GRID2: variants seen among roughly 807,000 people sequenced by gnomAD.
GRID2 encodes glutamate receptor ionotropic, delta-2.
Under a neutral mutation model 114.8 loss-of-function variants are expected in GRID2, and 33 were observed. That is an observed-to-expected ratio of 0.29 (90% CI 0.22 to 0.38). The LOEUF (loss-of-function observed/expected upper bound fraction) is 0.38, where lower values mean the gene tolerates loss of function less well. Ranked by LOEUF, GRID2 falls within the 10% of genes least tolerant of loss-of-function variation. The pLI is 1.00. For missense variants in GRID2, 1,184 were observed against 1,257.7 expected, an observed-to-expected ratio of 0.94 and a Z score of 0.89; for synonymous variants, 505 against 449.9, an observed-to-expected ratio of 1.12 and a Z score of -1.55.
rs574828943 is a variant in GRID2, at chr4:93,494,700, G to A, written c.1997+3923G>A. 2.0e-5 allele frequency among the ~76,000 whole-genome samples: 3 copies of A among 151,502 alleles called. No homozygotes were observed. In the East Asian group the frequency reaches 5.9e-4, roughly 30 times the overall value. ...GTATGACACAGTTCAGTTCTTAAAG[G>A]GAAAAAAAATGCCATTTCCACAAGA... is the stretch of plus-strand genomic sequence containing the variant. On this transcript the variant is annotated intron_variant, in intron 12 of 15. Transcript: ENST00000282020.
chr4:93,010,108 T>C (rs1721974775), intron 2 of GRID2, among the ~76,000 whole-genome samples: 1 of 152,060 alleles, frequency 6.6e-6, no homozygotes, highest in Non-Finnish European at 1.5e-5. Flanking sequence ...CCACTTTTGA[T>C]ATGCGTAGTA....
chr4:93,676,691 T>G (rs1724888946), intron 14 of GRID2, among the ~76,000 whole-genome samples: 1 of 150,196 alleles, frequency 6.7e-6, no homozygotes, highest in Non-Finnish European at 1.5e-5. Context: ...ATGAGAACAT[T>G]GTGCACATAT....
chr4:93,076,355 T>C (rs905301648), intron 2 of GRID2, among the ~76,000 whole-genome samples: 1 of 152,182 alleles, frequency 6.6e-6, no homozygotes, highest in African/African-American at 2.4e-5. Flanking sequence ...CTGCATGCCA[T>C]GCTAAGAGTT....
chr4:93,089,734 T>G (rs1470567380), intron 3 of GRID2, among the ~76,000 whole-genome samples: 1 of 152,160 alleles, frequency 6.6e-6, no homozygotes, highest in East Asian at 1.9e-4. Context: ...GTTGGGAATT[T>G]TATCCTATTT....
At chr4:93,400,395 T>A (rs935188272) in intron 9 of GRID2, among the ~76,000 whole-genome samples, 2 of 152,144 alleles carry the variant, frequency 1.3e-5, no homozygotes, top group African/African-American at 4.8e-5. Flanking sequence ...TTCCATAATT[T>A]GCCCACTGAT....
chr4:92,677,917 T>C (rs1340048577), intron 2 of GRID2, among the ~76,000 whole-genome samples: 3 of 152,078 alleles, frequency 2.0e-5, no homozygotes, highest in Non-Finnish European at 4.4e-5. Flanking sequence ...CCTTCACTAC[T>C]GAAAATTCAT....
At chr4:92,412,840 T>G (rs1241255063) in intron 1 of GRID2, among the ~76,000 whole-genome samples, 25 of 152,198 alleles carry the variant, frequency 1.6e-4, no homozygotes, top group Non-Finnish European at 4.4e-5. Flanking sequence ...AGCAAATGTC[T>G]TCTTCTCCTT....
chr4:93,066,661 T>C (rs1728322028), intron 2 of GRID2, among the ~76,000 whole-genome samples: 1 of 152,066 alleles, frequency 6.6e-6, no homozygotes. Context: ...TATAATAAGA[T>C]AAAATACTTT....
At chr4:93,509,719 T>C (rs568628049) in intron 12 of GRID2, among the ~76,000 whole-genome samples, 2 of 152,202 alleles carry the variant, frequency 1.3e-5, no homozygotes, top group Non-Finnish European at 2.9e-5. Flanking sequence ...GCAGTACCTC[T>C]TGGGGATGGC....
At chr4:92,878,262 C>T (rs112913653) in intron 2 of GRID2, among the ~76,000 whole-genome samples, 23 of 152,202 alleles carry the variant, frequency 1.5e-4, no homozygotes, top group African/African-American at 4.8e-4. Flanking sequence ...GTGTAGGAGG[C>T]GGTTTTACTC....
At position 92,641,928 on chromosome 4, in the gene GRID2, C is replaced by G. The variant is rs555480540; in HGVS notation, c.244+51642C>G. On this transcript the variant is annotated intron_variant, in intron 2 of 15. Coordinates refer to ENST00000282020, the MANE Select transcript of GRID2 (RefSeq NM_001510.4). ...ATTAATTTGCTTTGGAATGATGAACCCTAGCTCCATCTAGTTTGCCACAAA... is the reference window on the plus strand; with the variant it reads ...ATTAATTTGCTTTGGAATGATGAACGCTAGCTCCATCTAGTTTGCCACAAA... Among the ~76,000 whole-genome samples, 26 of 149,908 alleles carry G rather than the reference C, an allele frequency of 1.7e-4. No homozygotes were observed. The South Asian group carries it at 4.2e-3, about 24-fold the overall frequency.
chr4:92,909,798 A>G (rs1054378574), intron 2 of GRID2, among the ~76,000 whole-genome samples: 2 of 152,184 alleles, frequency 1.3e-5, no homozygotes, highest in Non-Finnish European at 2.9e-5. Context: ...AAAAATTTCA[A>G]TAGATCATGC....
At chr4:92,861,024 T>A (rs1328862401) in intron 2 of GRID2, among the ~76,000 whole-genome samples, 2 of 152,086 alleles carry the variant, frequency 1.3e-5, no homozygotes, top group African/African-American at 4.8e-5. Flanking sequence ...ACCAAGCATT[T>A]TAAGTCTAAG....
intron 2 of GRID2, among the ~76,000 whole-genome samples, chr4:92,929,185 C>G (rs1436305692): frequency 2.0e-5 from 3 of 150,080 alleles, no homozygotes; most frequent in African/African-American, 7.3e-5. Flanking sequence ...AAAAGAACAT[C>G]TTTTTTTTTA....
chr4:92,922,661 A>C (rs907361966), intron 2 of GRID2, among the ~76,000 whole-genome samples: 1 of 152,228 alleles, frequency 6.6e-6, no homozygotes. Flanking sequence ...TCAAGTATAC[A>C]TCAGCAGGAG....
rs182642506 is a variant in GRID2, at chr4:93,677,231, C to T, written c.2360+50796C>T. On this transcript the variant is annotated intron_variant, in intron 14 of 15. Coordinates refer to ENST00000282020, the MANE Select transcript of GRID2 (RefSeq NM_001510.4). ...GGTGGCAGTGAGGCTGGGGGAGGGG[C>T]GCCCGCCATTGCCCAGGCTCCCTTA... Among the ~76,000 whole-genome samples the T allele has an allele frequency of 3.5e-3, 528 of 152,292 alleles. 4 individuals are homozygous for T. The highest frequency in any genetic ancestry group is 0.012 in the African/African-American group (493 of 41,580).
At chr4:93,160,297 T>C (rs950177096) in intron 4 of GRID2, among the ~76,000 whole-genome samples, 3 of 151,810 alleles carry the variant, frequency 2.0e-5, no homozygotes, top group Admixed American at 6.6e-5. Context: ...GGTAATATCA[T>C]TGAATGCTTA....
At chr4:93,324,910 A>G (rs535255032) in intron 8 of GRID2, among the ~76,000 whole-genome samples, 13 of 151,926 alleles carry the variant, frequency 8.6e-5, no homozygotes, top group African/African-American at 2.4e-5. Context: ...TATTGTGTCT[A>G]TTTGATTCTT....
intron 1 of GRID2, among the ~76,000 whole-genome samples, chr4:92,500,677 A>G (rs929058164): frequency 2.0e-5 from 3 of 152,166 alleles, no homozygotes; most frequent in African/African-American, 7.2e-5. Flanking sequence ...CTGGCTTTAA[A>G]AGAATACCAG....
Sources: gnomAD v4.1 joint callset for allele counts (sites outside exome capture counted in the v4.1 genomes callset) on GRCh38, gnomAD v4.1.1 for gene constraint, MANE v1.5 for transcripts, NCBI Gene and HGNC (gene_info 2026-07-23, HGNC 2026-07-21) for gene names.